Variants in RAB7A observed in about 807,000 individuals in gnomAD.
RAB7A encodes RAB7A, member RAS oncogene family.
In RAB7A, 2 loss-of-function variants were observed where a neutral mutation model predicts 24.5. The observed-to-expected ratio is 0.08, with a 90% CI of 0.03 to 0.26. The LOEUF (loss-of-function observed/expected upper bound fraction) is 0.26, where lower values mean the gene tolerates loss of function less well. RAB7A is among the 10% of genes least tolerant of loss of function. The probability of loss-of-function intolerance (pLI) is 1.00; values close to 1 mark genes in which losing one functional copy is unlikely to be tolerated. For synonymous variants in RAB7A, 100 were observed against 95.9 expected (o/e 1.04, Z -0.25); for missense variants, 118 against 255.7 (o/e 0.46, Z 3.67).
At chr3:128,748,239 C>G (rs1376967001) in intron 1 of RAB7A, among the ~76,000 whole-genome samples, 1 of 152,200 alleles carries the variant, frequency 6.6e-6, no homozygotes, top group South Asian at 2.1e-4. Flanking sequence ...GTTTCCTCCA[C>G]TGCTGCTGGT....
At chr3:128,758,659 T>C (rs987414194) in intron 1 of RAB7A, among the ~76,000 whole-genome samples, 2 of 152,194 alleles carry the variant, frequency 1.3e-5, no homozygotes, top group Non-Finnish European at 1.5e-5. Context: ...GAAAAATCTT[T>C]AGGGATTTTT....
At chr3:128,779,831 T>G (rs1933180658) in intron 1 of RAB7A, among the ~76,000 whole-genome samples, 1 of 152,228 alleles carries the variant, frequency 6.6e-6, no homozygotes, top group Non-Finnish European at 1.5e-5. Flanking sequence ...CCCAAATTGT[T>G]GGGATTACAG....
At chr3:128,764,736 C>G (rs1208489496) in intron 1 of RAB7A, 13 of 801,678 alleles carry the variant, frequency 1.6e-5, no homozygotes, top group African/African-American at 3.3e-5. Context: ...GCCCACTCTC[C>G]CAGTCATCAC....
intron 1 of RAB7A, among the ~76,000 whole-genome samples, chr3:128,787,852 C>G (rs143175770): frequency 7.2e-4 from 110 of 152,332 alleles, no homozygotes; most frequent in Middle Eastern, 3.4e-3. Flanking sequence ...CTGGGACTTA[C>G]AGGAGTGTAC....
In RAB7A at chr3:128,733,871, A is replaced by C. The variant is rs538216359; in HGVS notation, c.-9+7512A>C. Among the ~76,000 whole-genome samples the C allele has an allele frequency of 1.4e-4, 21 of 152,352 alleles. No individual in the cohort carries two copies. The South Asian group carries it at 4.3e-3, about 32-fold the overall frequency. ...CTATTCTGCTCTAGTAGATATGGCC[A>C]GTTTTCAAAAGTTGTACCAGCGTAT... On this transcript the variant is annotated intron_variant, in intron 1 of 5. Coordinates refer to ENST00000265062, the MANE Select transcript of RAB7A (RefSeq NM_004637.6).
intron 5 of RAB7A, among the ~76,000 whole-genome samples, chr3:128,811,115 A>G (rs1249349763): frequency 6.6e-6 from 1 of 150,634 alleles, no homozygotes; most frequent in Non-Finnish European, 1.5e-5. Flanking sequence ...CTGTTCCTTC[A>G]GTAAGATTGA....
intron 1 of RAB7A, among the ~76,000 whole-genome samples, chr3:128,792,921 G>C (rs1933489760): frequency 6.6e-6 from 1 of 151,418 alleles, no homozygotes; most frequent in African/African-American, 2.4e-5. Context: ...CGTGATCTCG[G>C]CTCACTGCAA....
intron 1 of RAB7A, among the ~76,000 whole-genome samples, chr3:128,770,629 G>A (rs2070876216): frequency 6.6e-6 from 1 of 152,168 alleles, no homozygotes; most frequent in Non-Finnish European, 1.5e-5. Context: ...TCAGTCATCT[G>A]TCAGTTTATG....
rs1263703145 is a variant in RAB7A, at chr3:128,795,352, C to T, written c.-8-8C>T. 3 of 1,609,240 alleles carry T rather than the reference C, an allele frequency of 1.9e-6. No homozygotes were observed. In the East Asian group the frequency reaches 6.7e-5, roughly 36 times the overall value. On this transcript the variant is annotated splice_region_variant and splice_polypyrimidine_tract_variant and intron_variant, in intron 1 of 5. Coordinates refer to ENST00000265062, the MANE Select transcript of RAB7A (RefSeq NM_004637.6). ...CACTCACAGTGATTTCTCCTTTTCC[C>T]CCTTTAGTTTGAAGGATGACCTCTA...
At chr3:128,763,209 T>TATATATATATA (rs1553718917) in intron 1 of RAB7A, among the ~76,000 whole-genome samples, 1 of 62,300 alleles carries the variant, frequency 1.6e-5, no homozygotes, top group African/African-American at 1.1e-4. Context: ...TATATATATA[T>TATATATATATA]TTTTTTTTTT....
chr3:128,795,768 T>TTTTTTTTTTTTTTTTTTTG (rs1576298976), intron 2 of RAB7A, among the ~76,000 whole-genome samples: 1 of 129,930 alleles, frequency 7.7e-6, no homozygotes, highest in Non-Finnish European at 1.6e-5. Flanking sequence ...TTTTTTTTTT[T>TTTTTTTTTTTTTTTTTTTG]GGAGACAGAG....
chr3:128,729,273 C>G (rs2070410070), intron 1 of RAB7A, among the ~76,000 whole-genome samples: 1 of 152,064 alleles, frequency 6.6e-6, no homozygotes, highest in African/African-American at 2.4e-5. Context: ...ATTTGATTAG[C>G]TTTTAATATG....
At chr3:128,794,281 C>G (rs1281982450) in intron 1 of RAB7A, among the ~76,000 whole-genome samples, 1 of 152,178 alleles carries the variant, frequency 6.6e-6, no homozygotes. Flanking sequence ...CTGCTGTATT[C>G]TAGTTACTGT....
At chr3:128,784,984 C>T (rs777024283) in intron 1 of RAB7A, among the ~76,000 whole-genome samples, 3 of 146,360 alleles carry the variant, frequency 2.0e-5, no homozygotes, top group Middle Eastern at 3.3e-3. Flanking sequence ...CTCGCTCTGT[C>T]GCCCAGGCTG....
chr3:128,759,736 T>G (rs1024408407), intron 1 of RAB7A, among the ~76,000 whole-genome samples: 1 of 151,770 alleles, frequency 6.6e-6, no homozygotes, highest in Non-Finnish European at 1.5e-5. Context: ...TGAGACGGAG[T>G]TTCGCTCTTG....
chr3:128,731,672 A>G (rs1240319513), intron 1 of RAB7A, among the ~76,000 whole-genome samples: 1 of 152,100 alleles, frequency 6.6e-6, no homozygotes, highest in Admixed American at 6.6e-5. Context: ...TTTCCATTAT[A>G]TGCTAGTGCC....
At chr3:128,746,043 G>A (rs1331444245) in intron 1 of RAB7A, among the ~76,000 whole-genome samples, 1 of 152,206 alleles carries the variant, frequency 6.6e-6, no homozygotes, top group Non-Finnish European at 1.5e-5. Flanking sequence ...TATTCTAAAT[G>A]CAAGGAGACA....
chr3:128,784,392 T>C (rs552072532), intron 1 of RAB7A, among the ~76,000 whole-genome samples: 1 of 152,262 alleles, frequency 6.6e-6, no homozygotes, highest in Non-Finnish European at 1.5e-5. Context: ...TTTCTCCCCA[T>C]TCTCTTCTGC....
intron 1 of RAB7A, among the ~76,000 whole-genome samples, chr3:128,770,010 T>C (rs1276912237): frequency 6.6e-6 from 1 of 151,416 alleles, no homozygotes; most frequent in Admixed American, 6.6e-5. Context: ...TTTTTCTTTT[T>C]TTTTTTTTTT....
Sources: gnomAD v4.1 joint callset for allele counts (sites outside exome capture counted in the v4.1 genomes callset) on GRCh38, gnomAD v4.1.1 for gene constraint, MANE v1.5 for transcripts, NCBI Gene and HGNC (gene_info 2026-07-23, HGNC 2026-07-21) for gene names.